Variants in SNAP25 observed in about 807,000 individuals in gnomAD.
SNAP25 encodes the protein synaptosomal-associated protein 25.
SNAP25 carries 3 observed loss-of-function variants against 28.7 expected under a neutral mutation model. The ratio of observed to expected loss-of-function variants is 0.10; its 90% CI spans 0.05 to 0.27. The LOEUF is 0.27. SNAP25 is among the 10% of genes least tolerant of loss of function. SNAP25 has a pLI of 1.00. For synonymous variants in SNAP25, 61 were observed against 88.1 expected (o/e 0.69, Z 1.72); for missense variants, 117 against 278.7 (o/e 0.42, Z 4.13).
chr20:10,238,393 A>G (rs1041748014), intron 1 of SNAP25, among the ~76,000 whole-genome samples: 2 of 152,194 alleles, frequency 1.3e-5, no homozygotes, highest in African/African-American at 4.8e-5. Flanking sequence ...AGCATGCAGC[A>G]AGGACTAAGA....
chr20:10,277,063 T>G (rs769480038), intron 2 of SNAP25, among the ~76,000 whole-genome samples: 7 of 152,236 alleles, frequency 4.6e-5, no homozygotes, highest in Non-Finnish European at 8.8e-5. Context: ...GAGAAAAAAG[T>G]GACAACGCAG....
chr20:10,230,978 T>G (rs911775430), intron 1 of SNAP25, among the ~76,000 whole-genome samples: 1 of 152,120 alleles, frequency 6.6e-6, no homozygotes, highest in African/African-American at 2.4e-5. Flanking sequence ...CCCCAGAATC[T>G]TGTCTCCAAA....
intron 1 of SNAP25, among the ~76,000 whole-genome samples, chr20:10,264,939 T>A (rs1278198134): frequency 6.8e-6 from 1 of 148,020 alleles, no homozygotes; most frequent in Non-Finnish European, 1.5e-5. Flanking sequence ...TTTTTTTTTC[T>A]GAGATGGAGT....
chr20:10,277,774 G>C lies in SNAP25; in HGVS notation c.114+48G>C, dbSNP rs778207773. 5 of 1,518,608 alleles carry C rather than the reference G, an allele frequency of 3.3e-6. No individual in the cohort carries two copies. The South Asian group carries it at 5.6e-5, about 17-fold the overall frequency. The allele number at this position is 1,518,608 out of a possible 1,614,324, so 94.1% of individuals were successfully genotyped here. The stretch of plus-strand genomic sequence containing the variant: ...GATAAAGGAACAAATCCCTTATGCT[G>C]ATACATCCTTTCCTAGTTGCTATGA... On this transcript the variant is annotated intron_variant, in intron 3 of 7. Transcript: ENST00000254976.
At chr20:10,284,264 C>T (rs1468971451) in intron 3 of SNAP25, among the ~76,000 whole-genome samples, 1 of 152,142 alleles carries the variant, frequency 6.6e-6, no homozygotes, top group Non-Finnish European at 1.5e-5. Flanking sequence ...GATTCTTGCA[C>T]ATCTTCCCAT....
chr20:10,279,065 G>C (rs926680411), intron 3 of SNAP25, among the ~76,000 whole-genome samples: 2 of 152,204 alleles, frequency 1.3e-5, no homozygotes, highest in Non-Finnish European at 2.9e-5. Flanking sequence ...GGGAAGCAGC[G>C]TTCTGTCTAA....
chr20:10,224,784 C>T (rs2062705370), intron 1 of SNAP25, among the ~76,000 whole-genome samples: 1 of 151,898 alleles, frequency 6.6e-6, no homozygotes, highest in African/African-American at 2.4e-5. Context: ...ATCTCCTGTC[C>T]TTCTCAATCA....
chr20:10,259,309 C>T (rs540704268), intron 1 of SNAP25, among the ~76,000 whole-genome samples: 169 of 152,314 alleles, frequency 1.1e-3, no homozygotes, highest in South Asian at 1.9e-3. Flanking sequence ...GAGTCAGCTC[C>T]TTCCTGGGAG....
chr20:10,303,291 T>TGA (rs1195349430), intron 7 of SNAP25, among the ~76,000 whole-genome samples: 1 of 152,144 alleles, frequency 6.6e-6, no homozygotes, highest in Non-Finnish European at 1.5e-5. Flanking sequence ...GTCAAAAATG[T>TGA]GAGTCTGTAG....
chr20:10,265,132 G>T (rs362565), intron 1 of SNAP25, among the ~76,000 whole-genome samples: 1 of 152,090 alleles, frequency 6.6e-6, no homozygotes, highest in Non-Finnish European at 1.5e-5. Context: ...TTTGATTTAA[G>T]TAGGAAATAG....
At chr20:10,266,018 A>G (rs2063500472) in intron 1 of SNAP25, among the ~76,000 whole-genome samples, 1 of 152,204 alleles carries the variant, frequency 6.6e-6, no homozygotes, top group African/African-American at 2.4e-5. Context: ...TCTTAGTTTG[A>G]TTCCTATCAC....
chr20:10,247,241 C>A (rs1568586291), intron 1 of SNAP25, among the ~76,000 whole-genome samples: 1 of 152,218 alleles, frequency 6.6e-6, no homozygotes, highest in Non-Finnish European at 1.5e-5. Flanking sequence ...AGCTCTTATA[C>A]TGATGACCAA....
At position 10,293,402 on chromosome 20, in the gene SNAP25, G is replaced by T. The variant is rs775764348; in HGVS notation, c.281+124G>T. The T allele has an allele frequency of 1.5e-6, 1 of 682,196 alleles. No homozygotes were observed. 42.3% of individuals were successfully genotyped at this position (682,196 alleles called of 1,614,324 possible). A position where few individuals can be genotyped will look rare whatever the true frequency, so the allele number is the denominator to read the frequency against. On this transcript the variant is annotated intron_variant, in intron 5 of 7. Coordinates refer to ENST00000254976, the MANE Select transcript of SNAP25 (RefSeq NM_130811.4). The surrounding 1 kb of genome is among the most constrained non-coding windows in gnomAD (Gnocchi z 5.6). The stretch of plus-strand genomic sequence containing the variant: ...GTGGCATGCAGAACAGATCAATACC[G>T]TCTCCAATGCATTCATCTCATAGCA...
intron 2 of SNAP25, among the ~76,000 whole-genome samples, chr20:10,275,818 A>C (rs1371291812): frequency 6.6e-6 from 1 of 152,234 alleles, no homozygotes; most frequent in Non-Finnish European, 1.5e-5. Context: ...CCTCTAAGAA[A>C]AGAAAGCAAT....
intron 1 of SNAP25, among the ~76,000 whole-genome samples, chr20:10,249,421 G>A (rs1228995769): frequency 6.6e-6 from 1 of 152,170 alleles, no homozygotes; most frequent in Non-Finnish European, 1.5e-5. Context: ...GCACAAAGAT[G>A]TTACCTTTTG....
chr20:10,228,274 T>C (rs1161905337), intron 1 of SNAP25, among the ~76,000 whole-genome samples: 1 of 152,158 alleles, frequency 6.6e-6, no homozygotes, highest in African/African-American at 2.4e-5. Context: ...GCACTTGATG[T>C]ATGTTGTTTC....
chr20:10,275,644 C>T, intron 2 of SNAP25, 81 bp downstream of exon 2: 3 of 1,184,288 alleles, frequency 2.5e-6, no homozygotes, highest in African/African-American at 1.5e-5. Context: ...GTAGGGAAAG[C>T]CTTTCTTTCA....
chr20:10,255,806 G>A (rs551784805), intron 1 of SNAP25, among the ~76,000 whole-genome samples: 1 of 152,130 alleles, frequency 6.6e-6, no homozygotes, highest in African/African-American at 2.4e-5. Flanking sequence ...CTTCATTTAC[G>A]GATTTTGTAT....
Position 10,293,057 on chromosome 20 carries a change from T to C in SNAP25, c.164-104T>C. ...GTCCAGTTTTCTTTCTTTTTTTTTT[T>C]TTCTTTTTTAATGTCAAAGTGAATG... On this transcript the variant is annotated intron_variant, in intron 4 of 7. Transcript: ENST00000254976. This position sits in a 1 kb window ranked among gnomAD's most constrained non-coding sequence, Gnocchi z 5.6. 1 of 1,474,334 alleles carries C rather than the reference T, an allele frequency of 6.8e-7. No individual in the cohort carries two copies. The highest frequency in any genetic ancestry group is 1.4e-5 in the African/African-American group (1 of 70,322). 91.3% of individuals were successfully genotyped at this position (1,474,334 alleles called of 1,614,324 possible).
Sources: allele counts gnomAD v4.1 joint callset (sites outside exome capture counted in the v4.1 genomes callset), GRCh38; gene constraint gnomAD v4.1.1; non-coding constraint Gnocchi (gnomAD v3.1); transcripts MANE v1.5; gene names NCBI Gene and HGNC (gene_info 2026-07-23, HGNC 2026-07-21).